FBN1: variants seen among roughly 807,000 people sequenced by gnomAD.
FBN1 encodes fibrillin-1.
Under a neutral mutation model 365.1 loss-of-function variants are expected in FBN1, and 29 were observed. The ratio of observed to expected loss-of-function variants is 0.08; its 90% CI spans 0.06 to 0.11. The LOEUF (loss-of-function observed/expected upper bound fraction) is 0.11, where lower values mean the gene tolerates loss of function less well. Ranked by LOEUF, FBN1 falls within the 10% of genes least tolerant of loss-of-function variation. The pLI, the probability that FBN1 is intolerant of heterozygous loss-of-function variation, is 1.00. For synonymous variants in FBN1, 1,210 were observed against 1,270.5 expected, an observed-to-expected ratio of 0.95 and a Z score of 1.01; for missense variants, 2,476 against 3,703.2, an observed-to-expected ratio of 0.67 and a Z score of 8.60.
intron 6 of FBN1, among the ~76,000 whole-genome samples, chr15:48,563,154 T>C (rs940649680): frequency 5.9e-5 from 9 of 152,180 alleles, no homozygotes; most frequent in Non-Finnish European, 1.0e-4. Context: ...TCAATATTCA[T>C]TGAGTACCTA....
chr15:48,511,848 T>C (rs2043762867), intron 13 of FBN1, among the ~76,000 whole-genome samples: 1 of 152,222 alleles, frequency 6.6e-6, no homozygotes, highest in African/African-American at 2.4e-5. Flanking sequence ...GGCTGGTCCT[T>C]GCCCCAGCTG....
intron 9 of FBN1, among the ~76,000 whole-genome samples, chr15:48,522,754 C>G (rs1181361878): frequency 6.6e-6 from 1 of 152,034 alleles, no homozygotes; most frequent in Non-Finnish European, 1.5e-5. Flanking sequence ...AGACTAAAAC[C>G]AACCTAGACA....
intron 17 of FBN1, among the ~76,000 whole-genome samples, chr15:48,503,026 G>A (rs1374846452): frequency 7.2e-5 from 11 of 151,932 alleles, no homozygotes; most frequent in Non-Finnish European, 1.2e-4. Flanking sequence ...CGGTCCGGGC[G>A]CGGTGGCTCA....
At chr15:48,416,270 T>A (rs934770657) in intron 63 of FBN1, among the ~76,000 whole-genome samples, 40 of 152,278 alleles carry the variant, frequency 2.6e-4, no homozygotes, top group African/African-American at 9.6e-4. Context: ...GCTTTCCCTG[T>A]CAGCCTATTT....
At chr15:48,640,332 T>A (rs912529020) in intron 2 of FBN1, among the ~76,000 whole-genome samples, 1 of 152,112 alleles carries the variant, frequency 6.6e-6, no homozygotes, top group Non-Finnish European at 1.5e-5. Flanking sequence ...TAAAAAAAAA[T>A]TGTGTCCCAA....
chr15:48,522,309 A>T (rs898467162), intron 9 of FBN1, among the ~76,000 whole-genome samples: 1 of 152,088 alleles, frequency 6.6e-6, no homozygotes, highest in Non-Finnish European at 1.5e-5. Context: ...ATAATAAATT[A>T]ATATTGTGTA....
intron 17 of FBN1, among the ~76,000 whole-genome samples, chr15:48,500,063 A>G (rs1416617049): frequency 6.6e-6 from 1 of 152,230 alleles, no homozygotes; most frequent in Non-Finnish European, 1.5e-5. Flanking sequence ...AATTTGAGAA[A>G]GCAGTGATGA....
chr15:48,439,277 C>A (rs968908333), intron 50 of FBN1, among the ~76,000 whole-genome samples: 1 of 152,192 alleles, frequency 6.6e-6, no homozygotes, highest in African/African-American at 2.4e-5. Flanking sequence ...CCAGATAAAT[C>A]ATCTCTCTAA....
intron 2 of FBN1, among the ~76,000 whole-genome samples, chr15:48,623,965 A>C (rs1889819535): frequency 2.7e-5 from 2 of 73,432 alleles, no homozygotes; most frequent in Admixed American, 3.7e-4. Flanking sequence ...ACACAAAGAC[A>C]CAAACACACA....
At chr15:48,490,999 G>A (rs1364022962) in intron 24 of FBN1, among the ~76,000 whole-genome samples, 1 of 152,120 alleles carries the variant, frequency 6.6e-6, no homozygotes, top group African/African-American at 2.4e-5. Context: ...TTCCTCTAAC[G>A]TTAGAAAGTT....
chr15:48,483,940 A>G lies in FBN1; in HGVS notation c.3716T>C (p.Ile1239Thr). The G allele has an allele frequency of 6.2e-7, 1 of 1,612,814 alleles. No individual in the cohort carries two copies. Among genetic ancestry groups the G allele is most frequent in the South Asian group, 1.1e-5 (1 of 91,070 alleles). ...LMPDQRSCTD[I>T]DECEDNPNIC... ...ATTGGGATTATCTTCACACTCATCGATGTCTGCAAAGAATAAAACCAACAA... is the reference window on the plus strand; with the variant it reads ...ATTGGGATTATCTTCACACTCATCGGTGTCTGCAAAGAATAAAACCAACAA... Residue 1239 changes from isoleucine to threonine, a missense_variant, in exon 31 of 66, where the codon ATC becomes ACC. Transcript: ENST00000316623.
intron 55 of FBN1, among the ~76,000 whole-genome samples, chr15:48,431,151 G>A (rs898504641): frequency 7.2e-5 from 11 of 151,958 alleles, no homozygotes; most frequent in Non-Finnish European, 1.6e-4. Context: ...AGGCTGGAGT[G>A]CAGTGGCCCG....
chr15:48,515,669 G>C, intron 11 of FBN1, 142 bp from the exon 12 acceptor site: 2 of 1,097,234 alleles, frequency 1.8e-6, no homozygotes, highest in Non-Finnish European at 2.7e-6. Flanking sequence ...TGACAACAGA[G>C]CATATTTCCA....
rs764203302 is a variant in FBN1, at chr15:48,452,612, C to T, written c.5495G>A (p.Arg1832His). The T allele has an allele frequency of 9.9e-6, 16 of 1,614,016 alleles. No homozygotes were observed. The highest frequency in any genetic ancestry group is 4.0e-5 in the African/African-American group (3 of 74,920). ...GCGGTAGCCGGGCTTACAGTCACAG[C>T]GGTAGCTGCCTGCAGTGTTGATGCA... ...AECINTAGSY[R>H]CDCKPGYRFT... is the part of the protein sequence containing the mutation. The change falls in exon 45 of 66, where the codon CGC becomes CAC. Residue 1832 changes from arginine (R) to histidine (H), a missense_variant. Around this residue, in one of 5 missense-constraint regions of FBN1, gnomAD observed 1,780 missense variants for 2,840.8 expected, o/e 0.63. Transcript: ENST00000316623.
At position 48,409,950 on chromosome 15, in the gene FBN1, C is replaced by G. The variant is rs1472031585; in HGVS notation, c.*1040G>C. 2 of 152,468 alleles carry G rather than the reference C, an allele frequency of 1.3e-5. No homozygotes were observed. The highest frequency in any genetic ancestry group is 4.8e-5 in the African/African-American group (2 of 41,438). 9.4% of individuals were successfully genotyped at this position (152,468 alleles called of 1,614,324 possible). On this transcript the variant is annotated 3_prime_UTR_variant, in exon 66 of 66. Transcript: ENST00000316623. Reference sequence around the variant, plus strand: ...GTTAAATTTTCTTCTAGTGGTTATACATTTGGTACTTTCATAAGCCATAAG... The same window carrying G: ...GTTAAATTTTCTTCTAGTGGTTATAGATTTGGTACTTTCATAAGCCATAAG...
intron 10 of FBN1, among the ~76,000 whole-genome samples, chr15:48,520,034 T>A (rs1257662834): frequency 1.3e-5 from 2 of 152,152 alleles, no homozygotes; most frequent in Non-Finnish European, 2.9e-5. Flanking sequence ...TGAAATAGGC[T>A]CAATTAGTCA....
chr15:48,601,530 G>A (rs2044567527), intron 4 of FBN1, among the ~76,000 whole-genome samples: 1 of 152,176 alleles, frequency 6.6e-6, no homozygotes, highest in Admixed American at 6.5e-5. Context: ...CTACACAAAA[G>A]CAGAAATCTG....
chr15:48,568,346 C>T (rs2044277472), intron 6 of FBN1, among the ~76,000 whole-genome samples: 1 of 151,932 alleles, frequency 6.6e-6, no homozygotes, highest in Admixed American at 6.6e-5. Context: ...CAAAACATTG[C>T]CAAGATAAGT....
intron 6 of FBN1, among the ~76,000 whole-genome samples, chr15:48,569,720 T>A (rs2044291492): frequency 6.6e-6 from 1 of 152,144 alleles, no homozygotes. Context: ...TAAGATTCTA[T>A]TTATTTGAAA....
Sources: allele counts gnomAD v4.1 joint callset (sites outside exome capture counted in the v4.1 genomes callset), GRCh38; gene constraint gnomAD v4.1.1; regional missense constraint gnomAD v4.1.1; transcripts MANE v1.5; gene names NCBI Gene and HGNC (gene_info 2026-07-23, HGNC 2026-07-21).